Variants in ADK observed in about 807,000 individuals in gnomAD.
ADK encodes the protein N6,N6-dimethyladenosine kinase.
A neutral mutation model predicts 44.7 loss-of-function variants in ADK; 24 were observed. The observed-to-expected ratio is 0.54, with a 90% CI of 0.39 to 0.76. The LOEUF is 0.76. ADK is among the 30% of genes least tolerant of loss of function. The pLI, the probability that ADK is intolerant of heterozygous loss-of-function variation, is 0.00. For synonymous variants in ADK, 128 were observed against 142.6 expected, an observed-to-expected ratio of 0.90 and a Z score of 0.73; for missense variants, 321 against 425.1, an observed-to-expected ratio of 0.76 and a Z score of 2.15.
At chr10:74,338,767 G>A (rs1841492541) in intron 4 of ADK, among the ~76,000 whole-genome samples, 1 of 152,184 alleles carries the variant, frequency 6.6e-6, no homozygotes, top group Non-Finnish European at 1.5e-5. Context: ...TAGAGATAAT[G>A]TGGGAGAAGG....
intron 9 of ADK, among the ~76,000 whole-genome samples, chr10:74,614,094 C>CA (rs1852655362): frequency 6.6e-6 from 1 of 151,990 alleles, no homozygotes; most frequent in Admixed American, 6.6e-5. Flanking sequence ...ATTAATTGGT[C>CA]AAAAATAATT....
intron 10 of ADK, among the ~76,000 whole-genome samples, chr10:74,681,495 A>G (rs956204768): frequency 1.3e-5 from 2 of 152,238 alleles, no homozygotes; most frequent in African/African-American, 4.8e-5. Flanking sequence ...CGAGACAAGA[A>G]GCCAGATTAC....
At chr10:74,653,035 GT>G (rs899597191) in intron 9 of ADK, among the ~76,000 whole-genome samples, 149 of 152,238 alleles carry the variant, frequency 9.8e-4, no homozygotes, top group Non-Finnish European at 4.0e-4. Flanking sequence ...AATTTTCTTG[GT>G]TTTAGTTTAG....
chr10:74,203,951 C>CTT (rs760810639), intron 2 of ADK, among the ~76,000 whole-genome samples: 2,208 of 95,724 alleles, frequency 0.023, 41 homozygotes, highest in African/African-American at 0.031. Context: ...TTATTTAGGT[C>CTT]TTTTTTTTTT....
At chr10:74,472,413 T>C (rs1055730767) in intron 6 of ADK, among the ~76,000 whole-genome samples, 1 of 152,160 alleles carries the variant, frequency 6.6e-6, no homozygotes, top group Non-Finnish European at 1.5e-5. Context: ...AATAGAGATG[T>C]CATCTAGTTG....
chr10:74,167,673 C>A (rs748726406), intron 1 of ADK, among the ~76,000 whole-genome samples: 12 of 152,176 alleles, frequency 7.9e-5, no homozygotes, highest in Non-Finnish European at 1.5e-5. Flanking sequence ...CAAAGGCTAG[C>A]TTAGAATCTG....
chr10:74,389,304 A>G (rs1843259026), intron 4 of ADK, among the ~76,000 whole-genome samples: 1 of 152,154 alleles, frequency 6.6e-6, no homozygotes, highest in Non-Finnish European at 1.5e-5. Context: ...GTGACTTTGT[A>G]TTAGGAACAT....
intron 7 of ADK, among the ~76,000 whole-genome samples, chr10:74,584,895 G>A (rs1851480645): frequency 6.6e-6 from 1 of 152,184 alleles, no homozygotes; most frequent in Non-Finnish European, 1.5e-5. Flanking sequence ...GAATTGCAGT[G>A]AGTATGGGCA....
chr10:74,215,273 G>A lies in ADK; in HGVS notation c.141-9265G>A, dbSNP rs368854430. On this transcript the variant is annotated intron_variant, in intron 2 of 10. Coordinates refer to ENST00000539909, the MANE Select transcript of ADK (RefSeq NM_006721.4). ...ACAAAACATCCAAAATATAGGCTGTGCTTTGCATCATTCTATGAAAGCCAT... is the reference window on the plus strand; with the variant it reads ...ACAAAACATCCAAAATATAGGCTGTACTTTGCATCATTCTATGAAAGCCAT... Among the ~76,000 whole-genome samples the A allele has an allele frequency of 3.9e-4, 59 of 152,302 alleles. 2 individuals carry two copies. Among genetic ancestry groups the A allele is most frequent in the African/African-American group, 1.4e-3 (58 of 41,558 alleles).
intron 4 of ADK, among the ~76,000 whole-genome samples, chr10:74,351,390 C>CA (rs1564669526): frequency 1.3e-5 from 2 of 152,108 alleles, no homozygotes; most frequent in African/African-American, 4.8e-5. Flanking sequence ...TAAAAACTCT[C>CA]AAAAAACTAG....
chr10:74,580,574 TA>T (rs11289206), intron 7 of ADK, among the ~76,000 whole-genome samples: 36,589 of 134,204 alleles, frequency 0.27, 5,550 homozygotes, highest in East Asian at 0.63. Context: ...AAACTCCATC[TA>T]AAAAAAAAAA....
chr10:74,408,182 G>A (rs1482122239), intron 6 of ADK, among the ~76,000 whole-genome samples: 2 of 148,108 alleles, frequency 1.4e-5, no homozygotes, highest in East Asian at 3.9e-4. Context: ...TAGTTGAGAT[G>A]AGGTTTCACC....
At chr10:74,246,862 C>T (rs990210778) in intron 3 of ADK, among the ~76,000 whole-genome samples, 7 of 152,006 alleles carry the variant, frequency 4.6e-5, no homozygotes, top group Admixed American at 1.3e-4. Context: ...CAGTGCTTCT[C>T]TTGTCACTAA....
At chr10:74,467,086 G>A (rs1434014968) in intron 6 of ADK, among the ~76,000 whole-genome samples, 1 of 152,066 alleles carries the variant, frequency 6.6e-6, no homozygotes, top group South Asian at 2.1e-4. Flanking sequence ...TATTTTTAAA[G>A]TATAGGTTAT....
chr10:74,238,435 A>G (rs182062980), intron 3 of ADK, among the ~76,000 whole-genome samples: 108 of 152,316 alleles, frequency 7.1e-4, no homozygotes, highest in Non-Finnish European at 1.3e-3. Context: ...CACAGGAACC[A>G]GGGCCAGACT....
At chr10:74,377,848 A>G (rs1223383367) in intron 4 of ADK, among the ~76,000 whole-genome samples, 1 of 152,162 alleles carries the variant, frequency 6.6e-6, no homozygotes, top group Non-Finnish European at 1.5e-5. Context: ...TTCGTTTTTA[A>G]AGTTTTTCTG....
chr10:74,270,973 T>A (rs1273660584), intron 3 of ADK, among the ~76,000 whole-genome samples: 1 of 152,174 alleles, frequency 6.6e-6, no homozygotes, highest in Non-Finnish European at 1.5e-5. Context: ...TCACAACCAA[T>A]TTTTAGTGTA....
chr10:74,447,156 G>A (rs183007224), intron 6 of ADK, among the ~76,000 whole-genome samples: 15 of 152,248 alleles, frequency 9.9e-5, no homozygotes, highest in African/African-American at 3.4e-4. Context: ...TTGTATGCAC[G>A]TGAGAAGCCT....
Position 74,567,707 on chromosome 10 carries a change from T to G in ADK, c.727-21575T>G, listed in dbSNP as rs546937695. On this transcript the variant is annotated intron_variant, in intron 7 of 10. Coordinates refer to ENST00000539909, the MANE Select transcript of ADK (RefSeq NM_006721.4). The stretch of plus-strand genomic sequence containing the variant: ...TTTTTTTTGTTTTTTTTGTTTTTTT[T>G]TTTTTTTTTGAGATGGAGTCTCGCT... 2.7e-3 allele frequency among the ~76,000 whole-genome samples: 396 copies of G among 144,816 alleles called. 5 individuals are homozygous for G. Among genetic ancestry groups the G allele is most frequent in the African/African-American group, 8.1e-3 (304 of 37,728 alleles).
Sources: gnomAD v4.1 joint callset for allele counts (sites outside exome capture counted in the v4.1 genomes callset) on GRCh38, gnomAD v4.1.1 for gene constraint, MANE v1.5 for transcripts, NCBI Gene and HGNC (gene_info 2026-07-23, HGNC 2026-07-21) for gene names.